CDC42EP4: variants seen among roughly 807,000 people sequenced by gnomAD.
The protein encoded by CDC42EP4 is CDC42 effector protein (Rho GTPase binding) 4.
CDC42EP4 carries 6 observed loss-of-function variants against 5.6 expected under a neutral mutation model. The observed-to-expected ratio is 1.07, with a 90% CI of 0.59 to 2.12. The LOEUF is 2.12. CDC42EP4 is among the 30% of genes most tolerant of loss of function. The probability of loss-of-function intolerance (pLI) is 0.00; values close to 1 mark genes in which losing one functional copy is unlikely to be tolerated. For missense variants in CDC42EP4, 490 were observed against 508.6 expected, an observed-to-expected ratio of 0.96 and a Z score of 0.35; for synonymous variants, 230 against 224.2, an observed-to-expected ratio of 1.03 and a Z score of -0.23.
At chr17:73,292,516 G>A (rs189584258) in intron 1 of CDC42EP4, among the ~76,000 whole-genome samples, 2 of 152,112 alleles carry the variant, frequency 1.3e-5, no homozygotes. Context: ...GTGGGGGTGG[G>A]GAATGGAGGT....
Position 73,286,336 on chromosome 17 carries a change from G to T in CDC42EP4, c.165C>A (p.Ser55Arg), listed in dbSNP as rs1379773678. The part of the protein sequence containing the change: ...DAFGDTSFLN[S>R]KAGEPDGESL... Reference sequence around the variant, plus strand: ...ACTCGCCGTCGGGCTCGCCAGCCTTGCTATTGAGGAAGGAGGTGTCCCCAA... The same window carrying T: ...ACTCGCCGTCGGGCTCGCCAGCCTTTCTATTGAGGAAGGAGGTGTCCCCAA... Residue 55 changes from serine (S) to arginine (R), a missense_variant, in exon 2 of 2, where the codon AGC (serine) becomes AGA (arginine). Transcript: ENST00000335793. This position sits in a 1 kb window ranked among gnomAD's most constrained non-coding sequence, Gnocchi z 7.7. 5.0e-6 allele frequency: 8 copies of T among 1,614,098 alleles called. No homozygotes were observed. Among genetic ancestry groups the T allele is most frequent in the Non-Finnish European group, 6.8e-6 (8 of 1,180,046 alleles).
Position 73,286,348 on chromosome 17 carries a change from G to A in CDC42EP4, c.153C>T (p.Ser51=), listed in dbSNP as rs1198818363. 1.2e-6 allele frequency: 2 copies of A among 1,614,176 alleles called. No homozygotes were observed. The highest frequency in any genetic ancestry group is 2.2e-5 in the East Asian group (1 of 44,884). ...GRAGDAFGDT[S]FLNSKAGEPD... ...GCTCGCCAGCCTTGCTATTGAGGAA[G>A]GAGGTGTCCCCAAAGGCGTCTCCGG... Residue 51 remains serine, a synonymous_variant, in exon 2 of 2, where the codon TCC becomes TCT. Transcript: ENST00000335793. The surrounding 1 kb of genome is among the most constrained non-coding windows in gnomAD (Gnocchi z 7.7).
intron 1 of CDC42EP4, among the ~76,000 whole-genome samples, chr17:73,297,547 C>T (rs2062195246): frequency 6.6e-6 from 1 of 152,114 alleles, no homozygotes; most frequent in African/African-American, 2.4e-5. Flanking sequence ...ATAGTGGTTA[C>T]AACTCTACAC....
rs2062204124 is a variant in CDC42EP4 at position 73,299,217 on chromosome 17, A to T, written c.-112-12605T>A. Among the ~76,000 whole-genome samples, 4 of 152,030 alleles carry T rather than the reference A, an allele frequency of 2.6e-5. No individual in the cohort carries two copies. The South Asian group carries it at 8.3e-4, about 32-fold the overall frequency. ...GGCGGGCAGATCACGAGGTCAGGAG[A>T]TCGAGGCCATCCTGGCTAACACGGT... On this transcript the variant is annotated intron_variant, in intron 1 of 1. Coordinates refer to ENST00000335793, the MANE Select transcript of CDC42EP4 (RefSeq NM_012121.5).
chr17:73,299,765 G>A (rs1296468313), intron 1 of CDC42EP4, among the ~76,000 whole-genome samples: 3 of 152,098 alleles, frequency 2.0e-5, no homozygotes, highest in Admixed American at 2.0e-4. Context: ...CTGGGAGCCG[G>A]TTAACCTAAG....
At chr17:73,305,401 C>A (rs1041081896) in intron 1 of CDC42EP4, among the ~76,000 whole-genome samples, 4 of 152,208 alleles carry the variant, frequency 2.6e-5, no homozygotes, top group Non-Finnish European at 5.9e-5. Flanking sequence ...AGGAAAGTGC[C>A]GCGCTTGAAA....
intron 1 of CDC42EP4, among the ~76,000 whole-genome samples, chr17:73,309,184 C>CA (rs1474360009): frequency 6.6e-6 from 1 of 150,584 alleles, no homozygotes; most frequent in African/African-American, 2.4e-5. Flanking sequence ...CCCACCTCTA[C>CA]AAAAAATACA....
rs2062202924 is a variant in CDC42EP4 at position 73,298,993 on chromosome 17, T to C, written c.-112-12381A>G. Among the ~76,000 whole-genome samples the C allele has an allele frequency of 1.3e-5, 2 of 151,824 alleles. 1 individual carries two copies. The highest frequency in any genetic ancestry group is 4.2e-4 in the South Asian group (2 of 4,806). On this transcript the variant is annotated intron_variant, in intron 1 of 1. Coordinates refer to ENST00000335793, the MANE Select transcript of CDC42EP4 (RefSeq NM_012121.5). ...TTTTTTTTGAGACACGGCATTGCTG[T>C]CACCCAGGCTGGAGTGTAGTGGTGC...
chr17:73,294,122 G>A (rs1010042027), intron 1 of CDC42EP4, among the ~76,000 whole-genome samples: 4 of 152,060 alleles, frequency 2.6e-5, no homozygotes, highest in Non-Finnish European at 5.9e-5. Context: ...AGGCTGAGGC[G>A]GGTGGATCTC....
rs778993386 is a variant in CDC42EP4, at chr17:73,285,970, G to T, written c.531C>A (p.Pro177=). Residue 177 remains proline (P), a synonymous_variant, in exon 2 of 2, where the codon CCC becomes CCA. Transcript: ENST00000335793. This position sits in a 1 kb window ranked among gnomAD's most constrained non-coding sequence, Gnocchi z 6.8. ...CCCCAAAGGCCTGCTCATCGAGGAG[G>T]GGGTCAGGGGAATGTGGACCCGCGG... is the stretch of plus-strand genomic sequence containing the variant. The part of the protein sequence containing the change: ...NGAAGPHSPD[P]LLDEQAFGDL... 1.9e-6 allele frequency: 3 copies of T among 1,613,540 alleles called. No individual in the cohort carries two copies. Among genetic ancestry groups the T allele is most frequent in the Admixed American group, 1.7e-5 (1 of 60,026 alleles).
chr17:73,294,051 A>G (rs1057404551), intron 1 of CDC42EP4, among the ~76,000 whole-genome samples: 4 of 152,174 alleles, frequency 2.6e-5, no homozygotes, highest in African/African-American at 7.2e-5. Context: ...AGTAACCACA[A>G]TCAAAAACCA....
intron 1 of CDC42EP4, chr17:73,310,791 A>G (rs951221374): frequency 2.9e-4 from 37 of 125,658 alleles, no homozygotes; most frequent in East Asian, 1.2e-3. Context: ...ACACACACAC[A>G]CACGCACTTC....
At chr17:73,298,011 A>AC (rs1555741703) in intron 1 of CDC42EP4, among the ~76,000 whole-genome samples, 4,059 of 146,150 alleles carry the variant, frequency 0.028, 199 homozygotes, top group African/African-American at 0.096. Context: ...AAAAAAAAAA[A>AC]CCCAAAGTAT....
At position 73,299,444 on chromosome 17, in the gene CDC42EP4, TACACACAC is replaced by T. The variant is rs71154990; in HGVS notation, c.-113+12441_-113+12448del. Reference sequence around the variant, plus strand: ...GACTCCGTCCTAAAAAAAAAAAAAATACACACACACACACACACACACACACACACACA... The same window carrying T: ...GACTCCGTCCTAAAAAAAAAAAAAATACACACACACACACACACACACACA... On this transcript the variant is annotated intron_variant, in intron 1 of 1. Coordinates refer to ENST00000335793, the MANE Select transcript of CDC42EP4 (RefSeq NM_012121.5). Among the ~76,000 whole-genome samples, 845 of 127,918 alleles carry T rather than the reference TACACACAC, an allele frequency of 6.6e-3. 32 individuals are homozygous for T. The highest frequency in any genetic ancestry group is 0.024 in the Middle Eastern group (6 of 254). The allele number at this position is 127,918 out of a possible 152,430, so 83.9% of individuals were successfully genotyped here.
intron 1 of CDC42EP4, among the ~76,000 whole-genome samples, chr17:73,309,248 T>A (rs965562874): frequency 2.6e-4 from 39 of 151,946 alleles, no homozygotes; most frequent in African/African-American, 9.2e-4. Context: ...CTCAGGAGGC[T>A]GAAGTGGGAG....
At position 73,286,518 on chromosome 17, in the gene CDC42EP4, G is replaced by T. The variant is rs917119113; in HGVS notation, c.-18C>A. On this transcript the variant is annotated 5_prime_UTR_variant, in exon 2 of 2. Coordinates refer to ENST00000335793, the MANE Select transcript of CDC42EP4 (RefSeq NM_012121.5). The surrounding 1 kb of genome is among the most constrained non-coding windows in gnomAD (Gnocchi z 7.7). ...ATTGGCATCTTGCTGGATGGGCGGG[G>T]AGGTGGGCCCTCCCGAGGTAGCCGG... 2 of 1,561,830 alleles carry T rather than the reference G, an allele frequency of 1.3e-6. No individual in the cohort carries two copies. The highest frequency in any genetic ancestry group is 8.7e-7 in the Non-Finnish European group (1 of 1,150,996).
rs963254432 is a variant in CDC42EP4, at chr17:73,284,107, G to C, written c.*1323C>G. ...GAAAAACAAATCATTTTTCACATAA[G>C]TGTTCCAAATATTGCGTGGGGCATA... On this transcript the variant is annotated 3_prime_UTR_variant, in exon 2 of 2. Transcript: ENST00000335793. 6.6e-6 allele frequency: 1 copy of C among 152,222 alleles called. No individual in the cohort carries two copies. The highest frequency in any genetic ancestry group is 1.5e-5 in the Non-Finnish European group (1 of 68,040). The allele number at this position is 152,222 out of a possible 1,614,324, so 9.4% of individuals were successfully genotyped here.
intron 1 of CDC42EP4, among the ~76,000 whole-genome samples, chr17:73,310,639 C>G (rs779781896): frequency 3.0e-4 from 46 of 152,154 alleles, no homozygotes; most frequent in Admixed American, 1.0e-3. Context: ...TATTTCCCCT[C>G]CATTCTCCCA....
chr17:73,288,157 A>G (rs2062143530), intron 1 of CDC42EP4, among the ~76,000 whole-genome samples: 1 of 152,100 alleles, frequency 6.6e-6, no homozygotes, highest in Non-Finnish European at 1.5e-5. Context: ...CCCCCACGGC[A>G]CTTTGGGAGA....
Sources: gnomAD v4.1 joint callset for allele counts (sites outside exome capture counted in the v4.1 genomes callset) on GRCh38, gnomAD v4.1.1 for gene constraint, Gnocchi (gnomAD v3.1) non-coding constraint, MANE v1.5 for transcripts, NCBI Gene and HGNC (gene_info 2026-07-23, HGNC 2026-07-21) for gene names.